ZNF200: variants seen among roughly 807,000 people sequenced by gnomAD.
ZNF200 encodes the protein zinc finger protein 200.
Under a neutral mutation model 33.6 loss-of-function variants are expected in ZNF200, and 35 were observed. The observed-to-expected ratio is 1.04, with a 90% CI of 0.80 to 1.38. ZNF200 has a LOEUF of 1.38. Ranked by LOEUF, ZNF200 falls within the 40% of genes most tolerant of loss-of-function variation. ZNF200 has a pLI of 0.00. For synonymous variants in ZNF200, 209 were observed against 167.7 expected (o/e 1.25, Z -1.90); for missense variants, 592 against 470.6 (o/e 1.26, Z -2.39).
Position 3,223,841 on chromosome 16 carries a change from A to T in ZNF200, c.*51T>A, listed in dbSNP as rs1958392360. 2.6e-6 allele frequency: 4 copies of T among 1,532,072 alleles called. No individual in the cohort carries two copies. The highest frequency in any genetic ancestry group is 3.5e-6 in the Non-Finnish European group (4 of 1,144,552). 94.9% of individuals were successfully genotyped at this position (1,532,072 alleles called of 1,614,324 possible). A position where few individuals can be genotyped will look rare whatever the true frequency, so the allele number is the denominator to read the frequency against. On this transcript the variant is annotated 3_prime_UTR_variant, in exon 5 of 5. Transcript: ENST00000414144. ...GCTTGGGAATTCAGAACTACTTATG[A>T]AAGCTCTCAGGTTGAGGCAGCACCA...
Position 3,232,451 on chromosome 16 carries a change from C to T in ZNF200, c.436G>A (p.Asp146Asn), listed in dbSNP as rs767912911. 10 of 1,614,128 alleles carry T rather than the reference C, an allele frequency of 6.2e-6. No individual in the cohort carries two copies. Among genetic ancestry groups the T allele is most frequent in the Non-Finnish European group, 6.8e-6 (8 of 1,179,998 alleles). ...TQQLTSEKED[D>N]SSVGEMMLLA... ...AACATCATTTCCCCGACACTGCTGT[C>T]ATCTTCCTTCTCTGACGTGAGTTGT... The change falls in exon 4 of 5, where the codon GAC becomes AAC. Residue 146 changes from aspartate (D) to asparagine (N), a missense_variant. Transcript: ENST00000414144.
At chr16:3,232,988 G>T (rs45532536) in intron 2 of ZNF200, 67 bp from the exon 3 acceptor site, 61,738 of 1,401,374 alleles carry the variant, frequency 0.044, 1,572 homozygotes, top group East Asian at 0.089. Flanking sequence ...TCCCCATACC[G>T]CGAGGCCAGG....
Position 3,232,637 on chromosome 16 carries a change from G to C in ZNF200, c.340-90C>G, listed in dbSNP as rs145142651. The C allele has an allele frequency of 6.4e-4, 994 of 1,563,094 alleles. 6 individuals carry two copies. In the African/African-American group the frequency reaches 0.012, roughly 19 times the overall value. Reference sequence around the variant, plus strand: ...AAAAGCTGACACACAAAGATCAAGGGAAGGGATAGCAAGAGGGACCTATAA... The same window carrying C: ...AAAAGCTGACACACAAAGATCAAGGCAAGGGATAGCAAGAGGGACCTATAA... On this transcript the variant is annotated intron_variant, in intron 3 of 4. Transcript: ENST00000414144.
At chr16:3,232,742 A>C (rs978204164) in intron 3 of ZNF200, 91 bp downstream of exon 3, 9 of 1,465,172 alleles carry the variant, frequency 6.1e-6, no homozygotes, top group South Asian at 1.2e-5. Context: ...ACACCCAAGA[A>C]GGCCAACTCC....
chr16:3,229,662 G>T (rs1481211825), intron 4 of ZNF200, among the ~76,000 whole-genome samples: 9 of 152,116 alleles, frequency 5.9e-5, no homozygotes, highest in African/African-American at 2.2e-4. Flanking sequence ...TCAGGAGATT[G>T]AGACCATCCT....
chr16:3,233,780 G>T lies in ZNF200; in HGVS notation c.-25C>A, dbSNP rs745699109. The T allele has an allele frequency of 6.3e-7, 1 of 1,583,106 alleles. No homozygotes were observed. The highest frequency in any genetic ancestry group is 1.8e-5 in the Admixed American group (1 of 57,058). On this transcript the variant is annotated 5_prime_UTR_variant, in exon 2 of 5. Coordinates refer to ENST00000414144, the MANE Select transcript of ZNF200 (RefSeq NM_198088.3). ...TGCCTTGCAACCACACACCACACTC[G>T]TTTCGCGGGGCCTCCAGAGCCACCT...
chr16:3,233,740 C>G lies in ZNF200; in HGVS notation c.16G>C (p.Val6Leu), dbSNP rs1958712230. The G allele has an allele frequency of 6.2e-7, 1 of 1,611,656 alleles. No individual in the cohort carries two copies. The highest frequency in any genetic ancestry group is 8.5e-7 in the Non-Finnish European group (1 of 1,178,900). MMAAKVVPMPPKPKQS... is the reference protein window; with the variant it reads MMAAKLVPMPPKPKQS... ...TTTGGCTTTGGGGGCATAGGAACCACTTTTGCAGCCATCATGCCTTGCAAC... is the reference window on the plus strand; with the variant it reads ...TTTGGCTTTGGGGGCATAGGAACCAGTTTTGCAGCCATCATGCCTTGCAAC... The change falls in exon 2 of 5, where the codon GTG becomes CTG. Residue 6 changes from valine to leucine, a missense_variant. Physicochemically the swap from Val to Leu is conservative, Grantham distance 32. Transcript: ENST00000414144.
chr16:3,229,174 A>G (rs1206048688), intron 4 of ZNF200, among the ~76,000 whole-genome samples: 2 of 150,170 alleles, frequency 1.3e-5, no homozygotes, highest in African/African-American at 4.8e-5. Flanking sequence ...AATGAATTTG[A>G]GCATCCATGG....
intron 2 of ZNF200, among the ~76,000 whole-genome samples, 185 bp from the exon 3 acceptor site, chr16:3,233,106 T>C (rs1034393213): frequency 6.6e-6 from 1 of 152,176 alleles, no homozygotes; most frequent in African/African-American, 2.4e-5. Flanking sequence ...CATCTCCCTG[T>C]TATGAAAAGA....
Position 3,222,406 on chromosome 16 carries a change from T to A in ZNF200, c.*1486A>T, listed in dbSNP as rs1418103935. Reference sequence around the variant, plus strand: ...ACTAAACCAACAAACTATTGAAAATTAACAACAGTGAGATGACTATACAAA... The same window carrying A: ...ACTAAACCAACAAACTATTGAAAATAAACAACAGTGAGATGACTATACAAA... On this transcript the variant is annotated 3_prime_UTR_variant, in exon 5 of 5. Coordinates refer to ENST00000414144, the MANE Select transcript of ZNF200 (RefSeq NM_198088.3). 1 of 152,138 alleles carries A rather than the reference T, an allele frequency of 6.6e-6. No homozygotes were observed. Among genetic ancestry groups the A allele is most frequent in the Non-Finnish European group, 1.5e-5 (1 of 68,018 alleles). The allele number at this position is 152,138 out of a possible 1,614,324, so 9.4% of individuals were successfully genotyped here. A position where few individuals can be genotyped will look rare whatever the true frequency, so the allele number is the denominator to read the frequency against.
chr16:3,224,455 T>G lies in ZNF200; in HGVS notation c.625A>C (p.Ile209Leu), dbSNP rs1958416293. The G allele has an allele frequency of 1.9e-6, 3 of 1,614,232 alleles. No homozygotes were observed. The highest frequency in any genetic ancestry group is 1.6e-4 in the Middle Eastern group (1 of 6,062). The change falls in exon 5 of 5, where the codon ATT becomes CTT. Residue 209 changes from isoleucine (I) to leucine (L), a missense_variant. Coordinates refer to ENST00000414144, the MANE Select transcript of ZNF200 (RefSeq NM_198088.3). ...NQEKERLNTS[I>L]PQKRKMRNLL... The stretch of plus-strand genomic sequence containing the variant: ...TTTCTCATTTTCCTTTTTTGTGGAA[T>G]GGATGTATTTAGTCGTTCCTTTTCC...
chr16:3,229,675 C>T (rs1191328716), intron 4 of ZNF200, among the ~76,000 whole-genome samples: 2 of 152,070 alleles, frequency 1.3e-5, no homozygotes, highest in African/African-American at 4.8e-5. Context: ...ACCATCCTGG[C>T]TAACATGGTG....
At chr16:3,230,703 G>A (rs1958612659) in intron 4 of ZNF200, among the ~76,000 whole-genome samples, 1 of 152,156 alleles carries the variant, frequency 6.6e-6, no homozygotes, top group East Asian at 1.9e-4. Flanking sequence ...AAATGTTACT[G>A]TTTCAATTAT....
chr16:3,234,019 T>C (rs1352743583), intron 1 of ZNF200, 183 bp from the exon 2 acceptor site: 1 of 350,740 alleles, frequency 2.9e-6, no homozygotes, highest in Non-Finnish European at 5.0e-6. Context: ...AGGAAGATCC[T>C]GAGAATGAAA....
chr16:3,229,868 A>T (rs539528679), intron 4 of ZNF200, among the ~76,000 whole-genome samples: 1 of 152,178 alleles, frequency 6.6e-6, no homozygotes, highest in Admixed American at 6.5e-5. Context: ...CGTCTCAAAA[A>T]AAAAAAAGAA....
chr16:3,228,577 C>T (rs1322483542), intron 4 of ZNF200, among the ~76,000 whole-genome samples: 1 of 152,052 alleles, frequency 6.6e-6, no homozygotes, highest in Non-Finnish European at 1.5e-5. Context: ...TCACTGCAAC[C>T]TCTGCCTCCC....
rs746982959 is a variant in ZNF200 at position 3,233,786 on chromosome 16, C to T, written c.-31G>A. 7 of 1,577,782 alleles carry T rather than the reference C, an allele frequency of 4.4e-6. No individual in the cohort carries two copies. The South Asian group carries it at 8.2e-5, about 18-fold the overall frequency. On this transcript the variant is annotated 5_prime_UTR_variant, in exon 2 of 5. Transcript: ENST00000414144. The stretch of plus-strand genomic sequence containing the variant: ...GCAACCACACACCACACTCGTTTCG[C>T]GGGGCCTCCAGAGCCACCTCTTACT...
rs944090880 is a variant in ZNF200 at position 3,224,378 on chromosome 16, A to G, written c.702T>C (p.Tyr234=). 6.2e-6 allele frequency: 10 copies of G among 1,614,066 alleles called. No individual in the cohort carries two copies. The highest frequency in any genetic ancestry group is 1.1e-5 in the South Asian group (1 of 91,084). The part of the protein sequence containing the change: ...NDTPLEELSK[Y]VDISIIALTR... The stretch of plus-strand genomic sequence containing the variant: ...TAAGGGCAATAATACTGATGTCTAC[A>G]TATTTTGAGAGTTCCTCTAGAGGAG... The change falls in exon 5 of 5, where the codon TAT becomes TAC. Residue 234 remains tyrosine (Y), a synonymous_variant. Transcript: ENST00000414144.
chr16:3,234,424 G>A (rs940119430), intron 1 of ZNF200, among the ~76,000 whole-genome samples: 1 of 151,468 alleles, frequency 6.6e-6, no homozygotes, highest in East Asian at 1.9e-4. Context: ...AAAAGAGAAA[G>A]GAAAGAAGGA....
Sources: gnomAD v4.1 joint callset for allele counts (sites outside exome capture counted in the v4.1 genomes callset) on GRCh38, gnomAD v4.1.1 for gene constraint, MANE v1.5 for transcripts, NCBI Gene and HGNC (gene_info 2026-07-23, HGNC 2026-07-21) for gene names.